SELENOF: variants seen among roughly 807,000 people sequenced by gnomAD.
The protein encoded by SELENOF is selenoprotein F, also known as 15 kDa selenoprotein.
A neutral mutation model predicts 20.5 loss-of-function variants in SELENOF; 16 were observed. That is an observed-to-expected ratio of 0.78 (90% CI 0.53 to 1.19). The LOEUF (loss-of-function observed/expected upper bound fraction) is 1.19. Among genes scored for constraint, SELENOF ranks in the 50% most tolerant of loss-of-function variants. The pLI is 0.00. For synonymous variants in SELENOF, 78 were observed against 74.5 expected (o/e 1.05, Z -0.24); for missense variants, 215 against 194.2 (o/e 1.11, Z -0.64).
intron 2 of SELENOF, among the ~76,000 whole-genome samples, chr1:86,888,809 G>A (rs1388601680): frequency 1.3e-5 from 2 of 152,094 alleles, no homozygotes; most frequent in South Asian, 2.1e-4. Flanking sequence ...GATTACAGGC[G>A]TGCGCCACCA....
chr1:86,870,795 A>G (rs1658742715), intron 3 of SELENOF, among the ~76,000 whole-genome samples: 1 of 151,744 alleles, frequency 6.6e-6, no homozygotes, highest in Admixed American at 6.6e-5. Flanking sequence ...ATTTTTTTTT[A>G]TTTTTAGTAG....
chr1:86,864,229 A>AT (rs1471337397), intron 4 of SELENOF, among the ~76,000 whole-genome samples: 3 of 152,230 alleles, frequency 2.0e-5, no homozygotes, highest in African/African-American at 7.2e-5. Context: ...AAATCTAATG[A>AT]TTTTATTTGT....
intron 4 of SELENOF, among the ~76,000 whole-genome samples, chr1:86,866,683 T>C (rs1172146315): frequency 1.3e-5 from 2 of 152,146 alleles, no homozygotes; most frequent in Non-Finnish European, 2.9e-5. Flanking sequence ...GACACACAGA[T>C]GGCAAATAAA....
chr1:86,911,659 T>C (rs992699704), intron 1 of SELENOF, among the ~76,000 whole-genome samples: 1 of 152,226 alleles, frequency 6.6e-6, no homozygotes, highest in Non-Finnish European at 1.5e-5. Context: ...TAGGCAAAGA[T>C]AGTAGCCTGA....
chr1:86,866,888 A>G lies in SELENOF; in HGVS notation c.366+1165T>C, dbSNP rs1250606562. On this transcript the variant is annotated intron_variant, in intron 4 of 4. Transcript: ENST00000331835. ...CAACATGATGTCATCACTTTGGAAG[A>G]CAGTTTTGCAGTTTCTTACAAAGTT... Among the ~76,000 whole-genome samples the G allele has an allele frequency of 2.0e-5, 3 of 152,236 alleles. No individual in the cohort carries two copies. The East Asian group carries it at 5.8e-4, about 29-fold the overall frequency.
intron 2 of SELENOF, among the ~76,000 whole-genome samples, chr1:86,888,582 T>C (rs72947808): frequency 0.015 from 2,297 of 152,248 alleles, 64 homozygotes; most frequent in African/African-American, 0.052. Context: ...GCAGAAGAAA[T>C]AATTTCTTTG....
intron 2 of SELENOF, among the ~76,000 whole-genome samples, chr1:86,888,745 C>A (rs996663389): frequency 6.6e-6 from 1 of 152,228 alleles, no homozygotes; most frequent in African/African-American, 2.4e-5. Flanking sequence ...CTCACTGCAA[C>A]CCCCACCTCC....
At chr1:86,909,525 G>C (rs1462326380) in intron 1 of SELENOF, among the ~76,000 whole-genome samples, 2 of 152,026 alleles carry the variant, frequency 1.3e-5, no homozygotes, top group Non-Finnish European at 2.9e-5. Context: ...CGCTTCAGAG[G>C]GATTTAAATG....
chr1:86,903,316 A>T lies in SELENOF; in HGVS notation c.217T>A (p.Cys73Ser). The change falls in exon 2 of 5, where the codon TGC becomes AGC. Residue 73 changes from cysteine (C) to serine (S), a missense_variant. Transcript: ENST00000331835. ...TCAAATTGTGCTTCCTCCTGACAGC[A>T]TCCTCTGCAATCAGGATCCAGCTGA... ...LLQLDPDCRG[C>S]CQEEAQFETK... The T allele has an allele frequency of 6.2e-7, 1 of 1,612,176 alleles. No homozygotes were observed. Among genetic ancestry groups the T allele is most frequent in the South Asian group, 1.1e-5 (1 of 90,576 alleles).
intron 2 of SELENOF, among the ~76,000 whole-genome samples, chr1:86,894,648 G>C (rs979133976): frequency 2.0e-5 from 3 of 152,048 alleles, no homozygotes; most frequent in Non-Finnish European, 4.4e-5. Context: ...AGACCAGTTT[G>C]GGCAACATGG....
At position 86,874,586 on chromosome 1, in the gene SELENOF, A is replaced by G. The variant is rs1329344601; in HGVS notation, c.316+6076T>C. ...AAAGTATTAAGGAGTATTAAAAAAA[A>G]AACCCCAAAACCCAAACCCACATCT... On this transcript the variant is annotated intron_variant, in intron 3 of 4. Transcript: ENST00000331835. Among the ~76,000 whole-genome samples the G allele has an allele frequency of 3.3e-5, 5 of 152,170 alleles. No individual in the cohort carries two copies. In the East Asian group the frequency reaches 9.6e-4, roughly 29 times the overall value.
At chr1:86,901,018 G>A (rs1386693277) in intron 2 of SELENOF, among the ~76,000 whole-genome samples, 1 of 152,090 alleles carries the variant, frequency 6.6e-6, no homozygotes, top group Admixed American at 6.5e-5. Flanking sequence ...TCAGGCTCCT[G>A]AGTAGCTGGT....
At chr1:86,888,063 C>G (rs890616036) in intron 2 of SELENOF, among the ~76,000 whole-genome samples, 5 of 152,116 alleles carry the variant, frequency 3.3e-5, no homozygotes, top group Admixed American at 6.5e-5. Context: ...GAGTTCCAGA[C>G]CAGCCTGGCC....
At chr1:86,865,294 A>G (rs988279783) in intron 4 of SELENOF, among the ~76,000 whole-genome samples, 2 of 152,224 alleles carry the variant, frequency 1.3e-5, no homozygotes, top group Admixed American at 6.5e-5. Flanking sequence ...GGACCACTCA[A>G]ACTTATAAAC....
intron 2 of SELENOF, among the ~76,000 whole-genome samples, chr1:86,889,884 A>G (rs1388543468): frequency 1.3e-5 from 2 of 152,152 alleles, no homozygotes; most frequent in South Asian, 4.1e-4. Flanking sequence ...TTTCACAGCC[A>G]ATGTGTTGGT....
chr1:86,863,536 T>C lies in SELENOF; in HGVS notation c.436A>G (p.Ile146Val). The change falls in exon 5 of 5, where the codon ATT becomes GTT. Residue 146 changes from isoleucine to valine, a missense_variant. Ile to Val is a conservative substitution (Grantham distance 29). Transcript: ENST00000331835. ...ACACTGTCTGTGTTCCATTTGAGAA[T>C]GCTCAGTTCTTCAGCAATGTTCCCA... is the stretch of plus-strand genomic sequence containing the variant. ...DNGNIAEELS[I>V]LKWNTDSVEE... 1 of 1,613,608 alleles carries C rather than the reference T, an allele frequency of 6.2e-7. No homozygotes were observed. Among genetic ancestry groups the C allele is most frequent in the Non-Finnish European group, 8.5e-7 (1 of 1,179,566 alleles).
At chr1:86,899,917 G>A (rs1463265377) in intron 2 of SELENOF, among the ~76,000 whole-genome samples, 23 of 150,166 alleles carry the variant, frequency 1.5e-4, no homozygotes, top group African/African-American at 5.4e-4. Context: ...ACGGGGTCGC[G>A]GCCGGGCAGA....
At chr1:86,886,332 CA>C (rs1175284828) in intron 2 of SELENOF, among the ~76,000 whole-genome samples, 2 of 151,886 alleles carry the variant, frequency 1.3e-5, no homozygotes, top group Non-Finnish European at 2.9e-5. Context: ...GCAAAAATTG[CA>C]AAATGGTAAA....
chr1:86,887,157 T>C, intron 2 of SELENOF: 2 of 1,541,726 alleles, frequency 1.3e-6, no homozygotes, highest in Non-Finnish European at 1.7e-6. Context: ...CATACTCACT[T>C]TGAGTGATGG....
Sources: allele counts gnomAD v4.1 joint callset (sites outside exome capture counted in the v4.1 genomes callset), GRCh38; gene constraint gnomAD v4.1.1; transcripts MANE v1.5; gene names NCBI Gene and HGNC (gene_info 2026-07-23, HGNC 2026-07-21).